The following LATS2 variants were observed in gnomAD, a reference collection of about 807,000 sequenced individuals.
LATS2 encodes large tumor suppressor kinase 2, also known as serine/threonine-protein kinase LATS2.
LATS2 carries 24 observed loss-of-function variants against 76.0 expected under a neutral mutation model. The ratio of observed to expected loss-of-function variants is 0.32; its 90% CI spans 0.23 to 0.44. LATS2 has a LOEUF of 0.44. Among genes scored for constraint, LATS2 ranks in the 20% least tolerant of loss-of-function variants. LATS2 has a pLI of 1.00. For synonymous variants in LATS2, 692 were observed against 635.4 expected (o/e 1.09, Z -1.34); for missense variants, 1,286 against 1,481.2 (o/e 0.87, Z 2.16).
At chr13:20,985,458 G>C (rs888952677) in intron 4 of LATS2, among the ~76,000 whole-genome samples, 1 of 152,212 alleles carries the variant, frequency 6.6e-6, no homozygotes, top group African/African-American at 2.4e-5. Context: ...AAGCCAAAAG[G>C]CCAGATATGG....
At chr13:20,999,005 G>A (rs1288949152) in intron 2 of LATS2, among the ~76,000 whole-genome samples, 1 of 152,004 alleles carries the variant, frequency 6.6e-6, no homozygotes, top group African/African-American at 2.4e-5. Context: ...GGATCCCCGC[G>A]ACCTTGTGCA....
chr13:21,024,243 G>C (rs1210161260), intron 2 of LATS2, among the ~76,000 whole-genome samples: 4 of 151,896 alleles, frequency 2.6e-5, no homozygotes, highest in African/African-American at 9.7e-5. Context: ...AGACCAGCCT[G>C]GCCAACATGG....
chr13:20,978,974 C>A (rs1329362506), intron 7 of LATS2, among the ~76,000 whole-genome samples: 3 of 152,116 alleles, frequency 2.0e-5, no homozygotes, highest in Admixed American at 1.3e-4. Flanking sequence ...GTTGCCCAGG[C>A]TGGTCTTGAA....
Position 21,032,574 on chromosome 13 carries a change from T to C in LATS2, c.342+13111A>G, listed in dbSNP as rs543829505. Among the ~76,000 whole-genome samples, 3 of 152,304 alleles carry C rather than the reference T, an allele frequency of 2.0e-5. No homozygotes were observed. The South Asian group carries it at 6.2e-4, about 32-fold the overall frequency. On this transcript the variant is annotated intron_variant, in intron 2 of 7. Coordinates refer to ENST00000382592, the MANE Select transcript of LATS2 (RefSeq NM_014572.3). ...AGCCACTGCACCCAGCCTTTTTTTT[T>C]CGTTCTTTTTTAAGCCCATCAGCTA...
intron 7 of LATS2, among the ~76,000 whole-genome samples, chr13:20,979,263 G>A (rs988732295): frequency 1.2e-4 from 18 of 152,270 alleles, no homozygotes; most frequent in African/African-American, 4.3e-4. Flanking sequence ...TGAAAGTTAT[G>A]CAGATTTTTG....
intron 1 of LATS2, among the ~76,000 whole-genome samples, chr13:21,060,981 C>T (rs1873623238): frequency 6.6e-6 from 1 of 151,100 alleles, no homozygotes; most frequent in Non-Finnish European, 1.5e-5. Context: ...CCGCCCCCGG[C>T]CCGCGCCGCC....
intron 2 of LATS2, among the ~76,000 whole-genome samples, chr13:21,019,021 G>C (rs1036501751): frequency 6.6e-6 from 1 of 152,058 alleles, no homozygotes; most frequent in African/African-American, 2.4e-5. Flanking sequence ...CCTGTAAATG[G>C]CCCAGTAGCT....
chr13:21,037,803 GCCAGGGTGGTCAGGA>G (rs199809075), intron 2 of LATS2, among the ~76,000 whole-genome samples: 3,456 of 152,256 alleles, frequency 0.023, 162 homozygotes, highest in African/African-American at 0.079. Context: ...AGTGGGCAGG[GCCAGGGTGGTCAGGA>G]CCAGGGCGGG....
intron 2 of LATS2, among the ~76,000 whole-genome samples, chr13:21,027,861 G>A (rs368361503): frequency 2.6e-5 from 4 of 151,984 alleles, no homozygotes; most frequent in Non-Finnish European, 2.9e-5. Context: ...GAGAACTGCC[G>A]TCTTAACAGT....
rs1219519299 is a variant in LATS2 at position 20,973,184 on chromosome 13, G to A, written c.*1686C>T. ...AGCGCTGTGAGTAACAACATGGCAC[G>A]ACTATAAAATAGCGAGAATACTGAC... is the stretch of plus-strand genomic sequence containing the variant. On this transcript the variant is annotated 3_prime_UTR_variant, in exon 8 of 8. Transcript: ENST00000382592. 1.3e-5 allele frequency: 3 copies of A among 232,374 alleles called. No individual in the cohort carries two copies. Among genetic ancestry groups the A allele is most frequent in the South Asian group, 1.8e-4 (1 of 5,520 alleles). The allele number at this position is 232,374 out of a possible 1,614,324, so 14.4% of individuals were successfully genotyped here.
intron 2 of LATS2, chr13:21,017,960 T>C (rs1167635803): frequency 1.3e-5 from 2 of 152,170 alleles, no homozygotes; most frequent in African/African-American, 2.4e-5. Flanking sequence ...TGTGAGACTA[T>C]CCCTTCAATT....
At chr13:21,007,624 GTA>G (rs71200322) in intron 2 of LATS2, among the ~76,000 whole-genome samples, 29 of 534 alleles carry the variant, frequency 0.054, 8 homozygotes, top group African/African-American at 0.098. Flanking sequence ...TATATATAGT[GTA>G]TATATATATA....
At chr13:20,999,738 A>G (rs2138315323) in intron 2 of LATS2, among the ~76,000 whole-genome samples, 1 of 152,232 alleles carries the variant, frequency 6.6e-6, no homozygotes, top group Admixed American at 6.5e-5. Context: ...GATTACAGAC[A>G]TGAGCTAGGG....
intron 2 of LATS2, among the ~76,000 whole-genome samples, chr13:21,042,250 G>A (rs1475249743): frequency 1.3e-5 from 2 of 152,046 alleles, no homozygotes; most frequent in African/African-American, 4.8e-5. Flanking sequence ...AAATACCCTT[G>A]AGTCTTTTAC....
At chr13:21,051,778 G>A (rs73445516) in intron 1 of LATS2, among the ~76,000 whole-genome samples, 3,373 of 152,256 alleles carry the variant, frequency 0.022, 103 homozygotes, top group African/African-American at 0.074. Flanking sequence ...GGGCAACAGA[G>A]GCAGACGGCA....
chr13:21,007,185 GTTTAATT>G (rs1565951637), intron 2 of LATS2, among the ~76,000 whole-genome samples: 1 of 151,840 alleles, frequency 6.6e-6, no homozygotes, highest in Non-Finnish European at 1.5e-5. Context: ...CATATTATGG[GTTTAATT>G]TTTAAGTTAT....
intron 2 of LATS2, among the ~76,000 whole-genome samples, chr13:21,036,123 C>T (rs1352597786): frequency 6.6e-6 from 1 of 152,024 alleles, no homozygotes; most frequent in African/African-American, 2.4e-5. Flanking sequence ...CTCGAACACC[C>T]GACCTCGGAT....
chr13:21,020,181 G>A (rs1273432395), intron 2 of LATS2, among the ~76,000 whole-genome samples: 1 of 152,014 alleles, frequency 6.6e-6, no homozygotes, highest in Non-Finnish European at 1.5e-5. Flanking sequence ...TTCCCACTGT[G>A]ACATAGGGAA....
At chr13:21,007,775 TTG>T in intron 2 of LATS2, among the ~76,000 whole-genome samples, 1 of 79,656 alleles carries the variant, frequency 1.3e-5, no homozygotes, top group Non-Finnish European at 2.5e-5. Context: ...TTTTTTTTTT[TTG>T]AGATGGAGTC....
Sources: allele counts gnomAD v4.1 joint callset (sites outside exome capture counted in the v4.1 genomes callset), GRCh38; gene constraint gnomAD v4.1.1; transcripts MANE v1.5; gene names NCBI Gene and HGNC (gene_info 2026-07-23, HGNC 2026-07-21).